Variants in KAZN observed in about 807,000 individuals in gnomAD.
KAZN encodes the protein kazrin, periplakin interacting protein.
KAZN carries 40 observed loss-of-function variants against 87.4 expected under a neutral mutation model. The ratio of observed to expected loss-of-function variants is 0.46; its 90% confidence interval spans 0.36 to 0.60. The LOEUF (loss-of-function observed/expected upper bound fraction) is 0.60, where lower values mean the gene tolerates loss of function less well. Ranked by LOEUF, KAZN falls within the 20% of genes least tolerant of loss-of-function variation. The pLI is 0.00. For synonymous variants in KAZN, 466 were observed against 458.3 expected, an observed-to-expected ratio of 1.02 and a Z score of -0.22; for missense variants, 898 against 1,073.9, an observed-to-expected ratio of 0.84 and a Z score of 2.29.
chr1:13,931,404 C>T (rs1032866673), intron 1 of KAZN, among the ~76,000 whole-genome samples: 1 of 152,066 alleles, frequency 6.6e-6, no homozygotes, highest in African/African-American at 2.4e-5. Flanking sequence ...GTGACTGCAG[C>T]AAATTGCTTC....
chr1:15,042,577 C>G (rs1673030601), intron 3 of KAZN, among the ~76,000 whole-genome samples: 1 of 152,110 alleles, frequency 6.6e-6, no homozygotes, highest in African/African-American at 2.4e-5. Flanking sequence ...ACAAACGCCC[C>G]AAAGTATATG....
At chr1:14,071,210 C>T (rs1326887402) in intron 1 of KAZN, among the ~76,000 whole-genome samples, 1 of 152,086 alleles carries the variant, frequency 6.6e-6, no homozygotes, top group South Asian at 2.1e-4. Context: ...GTCACTCTTG[C>T]CTGCAGTTAA....
At chr1:14,015,350 T>C (rs997305790) in intron 1 of KAZN, among the ~76,000 whole-genome samples, 2 of 151,410 alleles carry the variant, frequency 1.3e-5, no homozygotes, top group African/African-American at 4.8e-5. Context: ...TAAAACTTCC[T>C]GGAAAGATGA....
chr1:14,448,621 C>T (rs1332525526), intron 2 of KAZN, among the ~76,000 whole-genome samples: 1 of 152,186 alleles, frequency 6.6e-6, no homozygotes, highest in Admixed American at 6.5e-5. Flanking sequence ...TAGGGATTCC[C>T]AACAACTCTT....
chr1:15,029,776 C>T (rs1310035610), intron 2 of KAZN, among the ~76,000 whole-genome samples: 1 of 152,214 alleles, frequency 6.6e-6, no homozygotes, highest in Non-Finnish European at 1.5e-5. Context: ...TCATTCATTT[C>T]CAACCAGAAA....
chr1:14,937,623 G>A (rs1037067969), intron 1 of KAZN, among the ~76,000 whole-genome samples: 3 of 152,220 alleles, frequency 2.0e-5, no homozygotes, highest in African/African-American at 4.8e-5. Context: ...CAGTGTGCCT[G>A]CTCCCTCAAG....
At chr1:14,432,217 G>A (rs1666112115) in intron 2 of KAZN, among the ~76,000 whole-genome samples, 1 of 152,188 alleles carries the variant, frequency 6.6e-6, no homozygotes, top group South Asian at 2.1e-4. Context: ...TGAAAATGTG[G>A]TAGTACTGCC....
chr1:14,078,929 G>A (rs990561685), intron 1 of KAZN, among the ~76,000 whole-genome samples: 83 of 152,224 alleles, frequency 5.5e-4, no homozygotes, highest in African/African-American at 1.9e-3. Flanking sequence ...AGGGTGATCC[G>A]CCCACCTCAG....
At chr1:13,970,799 T>C (rs1039028641) in intron 1 of KAZN, among the ~76,000 whole-genome samples, 4 of 152,218 alleles carry the variant, frequency 2.6e-5, no homozygotes, top group African/African-American at 9.6e-5. Context: ...CTCCAAACCT[T>C]CTTCTGCTAA....
At chr1:14,198,727 T>C (rs1646579439) in intron 2 of KAZN, among the ~76,000 whole-genome samples, 1 of 152,180 alleles carries the variant, frequency 6.6e-6, no homozygotes, top group African/African-American at 2.4e-5. Flanking sequence ...AAAGTGAGTA[T>C]TGAGAACTTA....
rs1252368424 is a variant in KAZN at position 15,116,768 on chromosome 1, G to C, written c.*2133G>C. On this transcript the variant is annotated 3_prime_UTR_variant, in exon 15 of 15. Transcript: ENST00000376030. ...TTGTAGCAGGGCACTTGAATGCAGA[G>C]CTGATGATTTGAAACCAACGTTCAC... 1 of 152,214 alleles carries C rather than the reference G, an allele frequency of 6.6e-6. No individual in the cohort carries two copies. Among genetic ancestry groups the C allele is most frequent in the Non-Finnish European group, 1.5e-5 (1 of 68,048 alleles). The allele number at this position is 152,214 out of a possible 1,614,324, so 9.4% of individuals were successfully genotyped here.
chr1:14,052,206 G>T (rs1306476152), intron 1 of KAZN, among the ~76,000 whole-genome samples: 1 of 152,202 alleles, frequency 6.6e-6, no homozygotes, highest in Non-Finnish European at 1.5e-5. Flanking sequence ...AACCCAGCCA[G>T]GGCCTAACTC....
At chr1:14,492,058 G>A (rs1315216997) in intron 2 of KAZN, among the ~76,000 whole-genome samples, 2 of 152,162 alleles carry the variant, frequency 1.3e-5, no homozygotes, top group African/African-American at 2.4e-5. Flanking sequence ...AGAATGTGCT[G>A]GAAGGGGTAC....
At chr1:14,601,370 G>A (rs1377423424) in intron 1 of KAZN, among the ~76,000 whole-genome samples, 2 of 152,076 alleles carry the variant, frequency 1.3e-5, no homozygotes, top group East Asian at 1.9e-4. Context: ...AAGTTCAGTG[G>A]GGTATCATTT....
chr1:14,541,636 A>C (rs554307752), intron 2 of KAZN, among the ~76,000 whole-genome samples: 1 of 152,344 alleles, frequency 6.6e-6, no homozygotes, highest in East Asian at 1.9e-4. Context: ...GGCTTTCGGC[A>C]TTTCAGAAGA....
At chr1:14,547,997 G>C (rs1673267642) in intron 2 of KAZN, among the ~76,000 whole-genome samples, 1 of 150,188 alleles carries the variant, frequency 6.7e-6, no homozygotes, top group South Asian at 2.1e-4. Flanking sequence ...GAATTGTCTT[G>C]GGCCACACAT....
intron 2 of KAZN, among the ~76,000 whole-genome samples, chr1:14,543,755 T>G (rs1283898557): frequency 6.6e-6 from 1 of 152,184 alleles, no homozygotes; most frequent in African/African-American, 2.4e-5. Flanking sequence ...GACCACCGTA[T>G]TATGAGTATT....
chr1:14,809,843 C>G (rs912824964), intron 1 of KAZN, among the ~76,000 whole-genome samples: 1 of 152,120 alleles, frequency 6.6e-6, no homozygotes, highest in African/African-American at 2.4e-5. Flanking sequence ...GCTGGTGGGT[C>G]TATAAGCCAG....
At chr1:14,180,370 C>A in intron 1 of KAZN, 1 of 1,430,916 alleles carries the variant, frequency 7.0e-7, no homozygotes. Flanking sequence ...TTCAAAATGG[C>A]TAGTCAATTT....
Sources: allele counts gnomAD v4.1 joint callset (sites outside exome capture counted in the v4.1 genomes callset), GRCh38; gene constraint gnomAD v4.1.1; transcripts MANE v1.5; gene names NCBI Gene and HGNC (gene_info 2026-07-23, HGNC 2026-07-21).